TTC4: variants seen among roughly 807,000 people sequenced by gnomAD.
TTC4 encodes the protein tetratricopeptide repeat domain 4, also known as hsp70/Hsp90 co-chaperone CNS1 homolog.
Under a neutral mutation model 51.9 loss-of-function variants are expected in TTC4, and 36 were observed. The ratio of observed to expected loss-of-function variants is 0.69; its 90% CI spans 0.53 to 0.92. The LOEUF is 0.92. Among genes scored for constraint, TTC4 ranks in the 40% least tolerant of loss-of-function variants. The pLI is 0.00. For missense variants in TTC4, 399 were observed against 454.6 expected, an observed-to-expected ratio of 0.88 and a Z score of 1.11; for synonymous variants, 144 against 164.2, an observed-to-expected ratio of 0.88 and a Z score of 0.94.
chr1:54,733,894 T>C (rs957430900), intron 8 of TTC4, among the ~76,000 whole-genome samples, 184 bp downstream of exon 8: 2 of 152,074 alleles, frequency 1.3e-5, no homozygotes, highest in Non-Finnish European at 2.9e-5. Flanking sequence ...TACATTCACA[T>C]TGTTGTGCAA....
chr1:54,721,086 C>T, intron 3 of TTC4, 77 bp from the exon 4 acceptor site: 1 of 1,370,630 alleles, frequency 7.3e-7, no homozygotes, highest in Non-Finnish European at 1.0e-6. Context: ...ACAAGAGTGT[C>T]TTTGTCACTA....
chr1:54,728,199 T>G lies in TTC4; in HGVS notation c.595-147T>G, dbSNP rs1925653. 0.011 allele frequency: 6,814 copies of G among 614,168 alleles called. 368 individuals are homozygous for G. The African/African-American group carries it at 0.11, about 10-fold the overall frequency. 38.0% of individuals were successfully genotyped at this position (614,168 alleles called of 1,614,324 possible). A position where few individuals can be genotyped will look rare whatever the true frequency, so the allele number is the denominator to read the frequency against. On this transcript the variant is annotated intron_variant, in intron 5 of 9. Coordinates refer to ENST00000371281, the MANE Select transcript of TTC4 (RefSeq NM_004623.5). ...CATCTAGGCATGTACTTTGTAAATG[T>G]TTATTGAACTGAATCTGGCCACTGG...
chr1:54,715,982 C>T lies in TTC4; in HGVS notation c.74C>T (p.Pro25Leu). 2 of 1,601,438 alleles carry T rather than the reference C, an allele frequency of 1.2e-6. No homozygotes were observed. ...TTCCTGGAAAAGTTCCAGAGCCAGC[C>T]TTACCGTGGCGGCTTTCATGAGGAC... ...DSFLEKFQSQ[P>L]YRGGFHEDQW... The change falls in exon 1 of 10, where the codon CCT becomes CTT. Residue 25 changes from proline to leucine, a missense_variant. By Grantham distance (98) the Pro-to-Leu change is moderately conservative. This residue lies in a region of TTC4 where 316 missense variants were observed against 349.6 expected (regional missense o/e 0.90). Coordinates refer to ENST00000371281, the MANE Select transcript of TTC4 (RefSeq NM_004623.5).
chr1:54,737,321 G>C (rs41297861), intron 8 of TTC4: 6,157 of 402,830 alleles, frequency 0.015, 84 homozygotes, highest in Middle Eastern at 0.021. Flanking sequence ...TGATTCTTCT[G>C]TTTACCAGCA....
At chr1:54,741,155 CT>C (rs1646005260) in intron 9 of TTC4, among the ~76,000 whole-genome samples, 2 of 152,174 alleles carry the variant, frequency 1.3e-5, no homozygotes, top group Non-Finnish European at 1.5e-5. Context: ...TAAAACCATG[CT>C]TTATATTTTT....
At chr1:54,732,241 A>T (rs1557750131) in intron 7 of TTC4, among the ~76,000 whole-genome samples, 1 of 149,596 alleles carries the variant, frequency 6.7e-6, no homozygotes, top group Non-Finnish European at 1.5e-5. Context: ...GAATCACTTG[A>T]ACCTGGGAGG....
chr1:54,721,034 TCAAAAAAACA>T, intron 3 of TTC4, 119 bp from the exon 4 acceptor site: 4 of 818,964 alleles, frequency 4.9e-6, no homozygotes, highest in Admixed American at 2.5e-5. Flanking sequence ...CCATATTTTT[TCAAAAAAACA>T]GTTGCTCTCA....
chr1:54,741,521 AG>A lies in TTC4; in HGVS notation c.*11del. On this transcript the variant is annotated 3_prime_UTR_variant, in exon 10 of 10. Coordinates refer to ENST00000371281, the MANE Select transcript of TTC4 (RefSeq NM_004623.5). ...GTGTACCAGATACGATGACTAAGCC[AG>A]GGCCCCTGGATCTCCTCCCTTACCC... The A allele has an allele frequency of 6.2e-7, 1 of 1,611,730 alleles. No homozygotes were observed. Among genetic ancestry groups the A allele is most frequent in the Non-Finnish European group, 8.5e-7 (1 of 1,177,972 alleles).
chr1:54,720,108 C>T (rs900760922), intron 3 of TTC4, among the ~76,000 whole-genome samples: 3 of 151,964 alleles, frequency 2.0e-5, no homozygotes, highest in African/African-American at 7.3e-5. Context: ...TGCTATATTG[C>T]CCAGGCTGGT....
Position 54,717,665 on chromosome 1 carries a change from G to A in TTC4, c.391+12G>A. 1 of 1,515,106 alleles carries A rather than the reference G, an allele frequency of 6.6e-7. No homozygotes were observed. The highest frequency in any genetic ancestry group is 8.8e-7 in the Non-Finnish European group (1 of 1,132,692). The allele number at this position is 1,515,106 out of a possible 1,614,324, so 93.9% of individuals were successfully genotyped here. A position where few individuals can be genotyped will look rare whatever the true frequency, so the allele number is the denominator to read the frequency against. On this transcript the variant is annotated intron_variant, in intron 3 of 9. Coordinates refer to ENST00000371281, the MANE Select transcript of TTC4 (RefSeq NM_004623.5). Reference sequence around the variant, plus strand: ...ACAGTACTATCTGGGTAATTTATAAGTGCTTTCTGAAGAATAAACTTATGA... The same window carrying A: ...ACAGTACTATCTGGGTAATTTATAAATGCTTTCTGAAGAATAAACTTATGA...
At chr1:54,740,811 C>T (rs1646001939) in intron 9 of TTC4, among the ~76,000 whole-genome samples, 1 of 152,192 alleles carries the variant, frequency 6.6e-6, no homozygotes, top group Admixed American at 6.5e-5. Flanking sequence ...GCCCTAGCCA[C>T]AGCAAACATT....
intron 9 of TTC4, among the ~76,000 whole-genome samples, chr1:54,738,642 T>C (rs918646145): frequency 9.3e-5 from 14 of 150,188 alleles, no homozygotes; most frequent in African/African-American, 2.9e-4. Context: ...TTTTTGTACA[T>C]GAAGGCTGCT....
At chr1:54,720,132 T>C (rs1295178209) in intron 3 of TTC4, among the ~76,000 whole-genome samples, 2 of 152,082 alleles carry the variant, frequency 1.3e-5, no homozygotes, top group African/African-American at 2.4e-5. Context: ...GAACTCCTGG[T>C]CTTAAGCAAT....
intron 6 of TTC4, among the ~76,000 whole-genome samples, chr1:54,729,955 A>G (rs1321634392): frequency 6.6e-6 from 1 of 152,214 alleles, no homozygotes; most frequent in Non-Finnish European, 1.5e-5. Flanking sequence ...TCTTGACCTC[A>G]GGCGATCCAC....
intron 4 of TTC4, among the ~76,000 whole-genome samples, 159 bp from the exon 5 acceptor site, chr1:54,722,516 G>C (rs12092947): frequency 6.6e-6 from 1 of 152,098 alleles, no homozygotes. Flanking sequence ...GACACAAAAA[G>C]TATTCTCCCT....
intron 5 of TTC4, among the ~76,000 whole-genome samples, chr1:54,726,661 A>C (rs943185032): frequency 6.6e-6 from 1 of 152,220 alleles, no homozygotes; most frequent in African/African-American, 2.4e-5. Flanking sequence ...TACAAAAAAC[A>C]TTGTTGAAAG....
intron 6 of TTC4, among the ~76,000 whole-genome samples, chr1:54,731,120 AGGT>A (rs1411285932): frequency 6.6e-6 from 1 of 152,220 alleles, no homozygotes; most frequent in East Asian, 1.9e-4. Context: ...TGCCCAATGA[AGGT>A]GAGTTAAGTG....
rs552100792 is a variant in TTC4, at chr1:54,733,761, T to C, written c.978+51T>C. The C allele has an allele frequency of 4.8e-6, 6 of 1,254,644 alleles. No homozygotes were observed. In the Admixed American group the frequency reaches 9.4e-5, roughly 20 times the overall value. The allele number at this position is 1,254,644 out of a possible 1,614,324, so 77.7% of individuals were successfully genotyped here. ...CTATGGAATTAATTTTTTTTTTTTT[T>C]TTTTTTTTTTTTGCGGCGGGGGAAG... On this transcript the variant is annotated intron_variant, in intron 8 of 9. Transcript: ENST00000371281.
At chr1:54,720,902 A>G (rs1471985688) in intron 3 of TTC4, among the ~76,000 whole-genome samples, 2 of 151,972 alleles carry the variant, frequency 1.3e-5, no homozygotes, top group African/African-American at 2.4e-5. Context: ...ACTTTTAGCA[A>G]TTTCTTAATT....
Sources: gnomAD v4.1 joint callset for allele counts (sites outside exome capture counted in the v4.1 genomes callset) on GRCh38, gnomAD v4.1.1 for gene constraint, gnomAD v4.1.1 regional missense constraint, MANE v1.5 for transcripts, NCBI Gene and HGNC (gene_info 2026-07-23, HGNC 2026-07-21) for gene names.